The following TSPEAR variants were observed in gnomAD, a reference collection of about 807,000 sequenced individuals.
TSPEAR encodes the protein thrombospondin-type laminin G domain and EAR repeat-containing protein.
In TSPEAR, 69 loss-of-function variants were observed where a neutral mutation model predicts 71.6. The ratio of observed to expected loss-of-function variants is 0.96; its 90% CI spans 0.79 to 1.18. TSPEAR has a LOEUF of 1.18. TSPEAR is among the 50% of genes most tolerant of loss of function. The pLI is 0.00. For missense variants in TSPEAR, 971 were observed against 894.9 expected (o/e 1.09, Z -1.09); for synonymous variants, 402 against 387.2 (o/e 1.04, Z -0.45).
chr21:44,699,303 C>A (rs1469048527), intron 1 of TSPEAR, among the ~76,000 whole-genome samples: 2 of 142,006 alleles, frequency 1.4e-5, no homozygotes, highest in Non-Finnish European at 3.0e-5. Flanking sequence ...TCACTTGAGC[C>A]TGGGAGATCA....
intron 1 of TSPEAR, among the ~76,000 whole-genome samples, chr21:44,589,119 C>T (rs1445015378): frequency 6.6e-6 from 1 of 152,096 alleles, no homozygotes; most frequent in Non-Finnish European, 1.5e-5. Context: ...TCCATGTAAC[C>T]AAACACCACC....
At chr21:44,578,857 G>A (rs1431784959) in intron 1 of TSPEAR, among the ~76,000 whole-genome samples, 2 of 152,162 alleles carry the variant, frequency 1.3e-5, no homozygotes, top group African/African-American at 2.4e-5. Context: ...GGGGCCTGAC[G>A]CACGGTCCTG....
chr21:44,643,438 TG>T (rs782129357), intron 1 of TSPEAR, among the ~76,000 whole-genome samples: 32 of 152,312 alleles, frequency 2.1e-4, no homozygotes, highest in Admixed American at 3.9e-4. Context: ...GGTAACTACA[TG>T]GGGTGATGGA....
chr21:44,628,214 T>C, intron 1 of TSPEAR: 1 of 733,910 alleles, frequency 1.4e-6, no homozygotes, highest in Non-Finnish European at 2.1e-6. Flanking sequence ...CTCCCTGACC[T>C]CCCCCCCGGG....
In TSPEAR at chr21:44,505,567, TCC is replaced by T. The variant is rs1270275295; in HGVS notation, c.1755-688_1755-687del. On this transcript the variant is annotated intron_variant, in intron 10 of 11. Coordinates refer to ENST00000323084, the MANE Select transcript of TSPEAR (RefSeq NM_144991.3). ...CCAGTAAACATCACCCCCTCCCCCC[TCC>T]CCCCCCCCCCCCCCCCAGCCCCGGC... Among the ~76,000 whole-genome samples the T allele has an allele frequency of 7.4e-3, 63 of 8,492 alleles. 1 individual carries two copies. The highest frequency in any genetic ancestry group is 0.017 in the East Asian group (5 of 300). The allele number at this position is 8,492 out of a possible 152,430, so 5.6% of individuals were successfully genotyped here.
At chr21:44,523,968 TAGTCAGGTAGCCAGTCATC>T (rs1251620378) in intron 8 of TSPEAR, among the ~76,000 whole-genome samples, 162 of 151,382 alleles carry the variant, frequency 1.1e-3, no homozygotes, top group Non-Finnish European at 1.9e-3. Flanking sequence ...GTTCAGTAGT[TAGTCAGGTAGCCAGTCATC>T]AGTCAGGTAG....
At chr21:44,573,674 C>T (rs995466774) in intron 1 of TSPEAR, 1 of 1,555,402 alleles carries the variant, frequency 6.4e-7, no homozygotes, top group South Asian at 1.2e-5. Context: ...GTATAAAAGC[C>T]CCACAAACCC....
chr21:44,503,648 G>A (rs1410943496), intron 11 of TSPEAR, among the ~76,000 whole-genome samples: 4 of 138,678 alleles, frequency 2.9e-5, no homozygotes, highest in Admixed American at 2.9e-4. Flanking sequence ...CCCTTGGGGG[G>A]AAGCCGGCCT....
chr21:44,523,085 GT>G (rs1555914476), intron 8 of TSPEAR, among the ~76,000 whole-genome samples: 1,659 of 143,042 alleles, frequency 0.012, 44 homozygotes, highest in African/African-American at 0.048. Flanking sequence ...TAGTCAGTCA[GT>G]CAGCCAGCCA....
intron 1 of TSPEAR, among the ~76,000 whole-genome samples, chr21:44,650,466 G>A (rs1984718664): frequency 6.6e-6 from 1 of 152,154 alleles, no homozygotes; most frequent in African/African-American, 2.4e-5. Flanking sequence ...AGAGATTGGG[G>A]CCACGTGATG....
At position 44,504,845 on chromosome 21, in the gene TSPEAR, A is replaced by G. The variant is rs1569149149; in HGVS notation, c.1791T>C (p.Asp597=). ...LDWEFFSVGE[D]YFLVVANSFD... ...AGGAGTTGGCCACCACCAGGAAATA[A>G]TCTTCTCCCACCGAGAAAAACTCCC... The change falls in exon 11 of 12, where the codon GAT becomes GAC. Residue 597 remains aspartate, a synonymous_variant. Transcript: ENST00000323084. 6.2e-7 allele frequency: 1 copy of G among 1,611,514 alleles called. No individual in the cohort carries two copies. The highest frequency in any genetic ancestry group is 1.1e-5 in the South Asian group (1 of 90,874).
chr21:44,654,496 G>A (rs782077064), intron 1 of TSPEAR: 6 of 1,613,780 alleles, frequency 3.7e-6, no homozygotes, highest in Non-Finnish European at 5.1e-6. Context: ...AGCCACACAG[G>A]GGGCTGAGCA....
rs1384210289 is a variant in TSPEAR at position 44,681,863 on chromosome 21, G to A, written c.82+29570C>T. 2.5e-6 allele frequency: 4 copies of A among 1,613,208 alleles called. No homozygotes were observed. The Admixed American group carries it at 6.7e-5, about 27-fold the overall frequency. On this transcript the variant is annotated intron_variant, in intron 1 of 11. Transcript: ENST00000323084. ...AGCAGGAAGGGGTGCTGCAGGAGAT[G>A]GGTCTGCAGAGGACGCTGGTGCAGG...
chr21:44,582,374 G>A (rs1555925252), intron 1 of TSPEAR, among the ~76,000 whole-genome samples: 1 of 152,244 alleles, frequency 6.6e-6, no homozygotes, highest in Non-Finnish European at 1.5e-5. Flanking sequence ...CCAGAAGAGT[G>A]CGTGCTTCCT....
At chr21:44,514,662 G>A (rs2052502034) in intron 9 of TSPEAR, among the ~76,000 whole-genome samples, 2 of 152,178 alleles carry the variant, frequency 1.3e-5, no homozygotes, top group African/African-American at 4.8e-5. Flanking sequence ...GTCAGCTCAG[G>A]GAGCAGGACC....
chr21:44,653,571 G>A lies in TSPEAR; in HGVS notation c.82+57862C>T, dbSNP rs587608164. ...AAACCTCTTTCCCATCCAGTTGGAT[G>A]AAGGAGTAGCTATAGATTTAAATTT... On this transcript the variant is annotated intron_variant, in intron 1 of 11. Transcript: ENST00000323084. 2.3e-4 allele frequency among the ~76,000 whole-genome samples: 35 copies of A among 152,342 alleles called. No individual in the cohort carries two copies. The Middle Eastern group carries it at 0.014, about 59-fold the overall frequency.
chr21:44,510,302 G>A (rs1445921765), intron 9 of TSPEAR, among the ~76,000 whole-genome samples: 1 of 152,198 alleles, frequency 6.6e-6, no homozygotes, highest in African/African-American at 2.4e-5. Context: ...GGACGGAGCC[G>A]GTCATGCTGC....
At chr21:44,597,434 T>TTC (rs1209606948) in intron 1 of TSPEAR, among the ~76,000 whole-genome samples, 1 of 119,436 alleles carries the variant, frequency 8.4e-6, no homozygotes, top group African/African-American at 4.2e-5. Context: ...CTTTCTTTCT[T>TTC]TTCTTTTTTT....
At chr21:44,668,135 A>G (rs1985884633) in intron 1 of TSPEAR, among the ~76,000 whole-genome samples, 1 of 152,266 alleles carries the variant, frequency 6.6e-6, no homozygotes, top group African/African-American at 2.4e-5. Context: ...CACAGATGAC[A>G]TGATTTTTAT....
Sources: gnomAD v4.1 joint callset for allele counts (sites outside exome capture counted in the v4.1 genomes callset) on GRCh38, gnomAD v4.1.1 for gene constraint, MANE v1.5 for transcripts, NCBI Gene and HGNC (gene_info 2026-07-23, HGNC 2026-07-21) for gene names.